The following BDP1 variants were observed in gnomAD, a reference collection of about 807,000 sequenced individuals.
BDP1 encodes transcription factor TFIIIB component B'' homolog.
A neutral mutation model predicts 266.6 loss-of-function variants in BDP1; 169 were observed. That is an observed-to-expected ratio of 0.63 (90% CI 0.56 to 0.72). The LOEUF (loss-of-function observed/expected upper bound fraction) is 0.72. BDP1 is among the 30% of genes least tolerant of loss of function. The pLI is 0.00. For synonymous variants in BDP1, 1,090 were observed against 1,022.4 expected (o/e 1.07, Z -1.26); for missense variants, 3,015 against 3,053.8 (o/e 0.99, Z 0.30).
In BDP1 at chr5:71,510,944, A is replaced by G. The variant is rs769400810; in HGVS notation, c.3852A>G (p.Glu1284=). The G allele has an allele frequency of 6.2e-7, 1 of 1,614,202 alleles. No individual in the cohort carries two copies. Residue 1284 remains glutamate (E), a synonymous_variant, in exon 17 of 39, where the codon GAA becomes GAG. Transcript: ENST00000358731. The part of the protein sequence containing the change: ...VVEEMEADLK[E]TGKENFRERG... Reference sequence around the variant, plus strand: ...AAGAAATGGAGGCAGATTTGAAAGAAACTGGAAAAGAAAATTTTAGAGAGA... The same window carrying G: ...AAGAAATGGAGGCAGATTTGAAAGAGACTGGAAAAGAAAATTTTAGAGAGA...
Position 71,545,034 on chromosome 5 carries a change from T to C in BDP1, c.6564-5T>C. On this transcript the variant is annotated splice_region_variant and splice_polypyrimidine_tract_variant and intron_variant, in intron 31 of 38. Coordinates refer to ENST00000358731, the MANE Select transcript of BDP1 (RefSeq NM_018429.3). ...AAATGACATGCATGCTAAACTCTCT[T>C]TCAGAAACGAAAATCAAGAAGAGAG... The C allele has an allele frequency of 6.2e-7, 1 of 1,612,814 alleles. No homozygotes were observed. Among genetic ancestry groups the C allele is most frequent in the Non-Finnish European group, 8.5e-7 (1 of 1,179,742 alleles).
chr5:71,540,283 T>C (rs78137458), intron 28 of BDP1, among the ~76,000 whole-genome samples: 1 of 47,650 alleles, frequency 2.1e-5, no homozygotes, highest in Admixed American at 1.6e-4. Flanking sequence ...TATTTACTTA[T>C]TTATTTATTT....
chr5:71,527,066 A>G (rs1765933029), intron 25 of BDP1, among the ~76,000 whole-genome samples: 1 of 152,046 alleles, frequency 6.6e-6, no homozygotes, highest in South Asian at 2.1e-4. Flanking sequence ...CATCACTACC[A>G]TCCATCCACA....
chr5:71,521,919 T>C (rs1275910650), intron 22 of BDP1, among the ~76,000 whole-genome samples: 4 of 151,844 alleles, frequency 2.6e-5, no homozygotes, highest in African/African-American at 9.7e-5. Context: ...TGAAGGCATG[T>C]GTTTAAAGTG....
At chr5:71,576,537 C>T in the BDP1 span, among the ~76,000 whole-genome samples, 1 of 151,916 alleles carries the variant, frequency 6.6e-6, no homozygotes, top group Non-Finnish European at 1.5e-5. Context: ...CTTCATTGTG[C>T]TGACTATACA....
At position 71,541,481 on chromosome 5, in the gene BDP1, A is replaced by G. The variant is rs1766963964; in HGVS notation, c.6050A>G (p.His2017Arg). The G allele has an allele frequency of 2.6e-6, 4 of 1,560,564 alleles. No homozygotes were observed. Among genetic ancestry groups the G allele is most frequent in the African/African-American group, 1.4e-5 (1 of 72,122 alleles). The change falls in exon 29 of 39, where the codon CAT (histidine) becomes CGT (arginine). Residue 2017 changes from histidine (H) to arginine (R), a missense_variant. Coordinates refer to ENST00000358731, the MANE Select transcript of BDP1 (RefSeq NM_018429.3). ...GGAGTATGTATAATTCCTCATGTTCATTCAAAGGATAAAAGCCATATTCCT... is the reference window on the plus strand; with the variant it reads ...GGAGTATGTATAATTCCTCATGTTCGTTCAAAGGATAAAAGCCATATTCCT... ...DVGVCIIPHV[H>R]SKDKSHIPSS... is the part of the protein sequence containing the mutation.
chr5:71,529,715 G>C (rs1466806506), intron 25 of BDP1, among the ~76,000 whole-genome samples: 1 of 152,130 alleles, frequency 6.6e-6, no homozygotes, highest in African/African-American at 2.4e-5. Context: ...ATGTTTTTCA[G>C]CCCTAAAGGG....
chr5:71,559,830 A>G lies in BDP1; in HGVS notation c.7241-152A>G, dbSNP rs866399954. On this transcript the variant is annotated intron_variant, in intron 36 of 38. Coordinates refer to ENST00000358731, the MANE Select transcript of BDP1 (RefSeq NM_018429.3). ...TTATTAACCAATTATAATATTCTTA[A>G]TAATCCAAGTAACTCCACTAATGAT... is the stretch of plus-strand genomic sequence containing the variant. 63 of 713,504 alleles carry G rather than the reference A, an allele frequency of 8.8e-5. No homozygotes were observed. In the Middle Eastern group the frequency reaches 1.7e-3, roughly 20 times the overall value. The allele number at this position is 713,504 out of a possible 1,614,324, so 44.2% of individuals were successfully genotyped here. A position where few individuals can be genotyped will look rare whatever the true frequency, so the allele number is the denominator to read the frequency against.
intron 25 of BDP1, among the ~76,000 whole-genome samples, chr5:71,529,491 G>T (rs1476288884): frequency 2.0e-5 from 3 of 152,216 alleles, no homozygotes; most frequent in African/African-American, 7.2e-5. Context: ...AGGAGTTCAA[G>T]ACCAGCCTAT....
chr5:71,522,461 G>C lies in BDP1; in HGVS notation c.5164G>C (p.Gly1722Arg). Residue 1722 changes from glycine to arginine, a missense_variant, in exon 23 of 39, where the codon GGA becomes CGA. Transcript: ENST00000358731. ...GKPEDHLLQK[G>R]ASNTQLLLKE... ...GCCAGAAGATCATTTGCTGCAGAAA[G>C]GAGCTTCCAACACCCAGCTCCTTCT... 1 of 1,612,034 alleles carries C rather than the reference G, an allele frequency of 6.2e-7. No homozygotes were observed. Among genetic ancestry groups the C allele is most frequent in the Non-Finnish European group, 8.5e-7 (1 of 1,179,342 alleles).
chr5:71,561,265 T>A lies in BDP1; in HGVS notation c.7497-1009T>A, dbSNP rs372818603. ...AAAAATATAAAATTAGCTGGGCATG[T>A]TGGCACATGCCTGTAATCCCAGTGA... is the stretch of plus-strand genomic sequence containing the variant. On this transcript the variant is annotated intron_variant, in intron 37 of 38. Transcript: ENST00000358731. 1.0e-4 allele frequency among the ~76,000 whole-genome samples: 15 copies of A among 150,436 alleles called. 1 individual carries two copies. Among genetic ancestry groups the A allele is most frequent in the African/African-American group, 3.7e-4 (15 of 40,850 alleles).
At chr5:71,471,884 A>G (rs563784335) in intron 7 of BDP1, among the ~76,000 whole-genome samples, 2 of 152,320 alleles carry the variant, frequency 1.3e-5, no homozygotes, top group South Asian at 2.1e-4. Flanking sequence ...TGGGGACATT[A>G]CATAAGGGGC....
At chr5:71,483,163 G>A (rs764904305) in intron 7 of BDP1, among the ~76,000 whole-genome samples, 1 of 152,088 alleles carries the variant, frequency 6.6e-6, no homozygotes. Context: ...GATCACTGAC[G>A]TGTAGATGGG....
At position 71,563,872 on chromosome 5, in the gene BDP1, A is replaced by G. The variant is rs539553462; in HGVS notation, c.7744-882A>G. ...GGTTGCAGTGGGCTGAGATCATGCC[A>G]TTGCATTCCAGCCTGGCTTTGTCTT... On this transcript the variant is annotated intron_variant, in intron 38 of 38. Transcript: ENST00000358731. Among the ~76,000 whole-genome samples, 8 of 152,328 alleles carry G rather than the reference A, an allele frequency of 5.3e-5. 1 individual carries two copies. The highest frequency in any genetic ancestry group is 1.3e-4 in the Admixed American group (2 of 15,302).
At chr5:71,491,421 C>A (rs1763585737) in intron 11 of BDP1, among the ~76,000 whole-genome samples, 1 of 151,680 alleles carries the variant, frequency 6.6e-6, no homozygotes, top group African/African-American at 2.4e-5. Flanking sequence ...ATGGGTTTAT[C>A]ATTTTCTGTA....
intron 25 of BDP1, among the ~76,000 whole-genome samples, chr5:71,525,496 A>AC (rs1390291295): frequency 1.6e-5 from 1 of 61,888 alleles, no homozygotes; most frequent in African/African-American, 6.6e-5. Context: ...GGGGGCTGAC[A>AC]CCCCTACCTC....
chr5:71,498,927 T>C (rs1764062357), intron 13 of BDP1, among the ~76,000 whole-genome samples: 1 of 152,100 alleles, frequency 6.6e-6, no homozygotes, highest in African/African-American at 2.4e-5. Context: ...TTTTGTCATG[T>C]TGGCCAAGCT....
Position 71,511,166 on chromosome 5 carries a change from G to A in BDP1, c.4059+15G>A, listed in dbSNP as rs747885108. 6 of 1,579,548 alleles carry A rather than the reference G, an allele frequency of 3.8e-6. No individual in the cohort carries two copies. The highest frequency in any genetic ancestry group is 1.4e-5 in the African/African-American group (1 of 72,902). The stretch of plus-strand genomic sequence containing the variant: ...TAGATATTCAGGTATGTATTTTTCT[G>A]TCCTTTAAAAGTTTTTTGAATGCTT... On this transcript the variant is annotated intron_variant, in intron 17 of 38. Transcript: ENST00000358731.
chr5:71,483,701 G>A (rs1379760523), intron 7 of BDP1, 141 bp from the exon 8 acceptor site: 1 of 629,132 alleles, frequency 1.6e-6, no homozygotes, highest in Non-Finnish European at 2.8e-6. Context: ...GAAGGTTTAA[G>A]TAACTTGCCT....
Sources: allele counts gnomAD v4.1 joint callset (sites outside exome capture counted in the v4.1 genomes callset), GRCh38; gene constraint gnomAD v4.1.1; transcripts MANE v1.5; gene names NCBI Gene and HGNC (gene_info 2026-07-23, HGNC 2026-07-21).